The following FOXN2 variants were observed in gnomAD, a reference collection of about 807,000 sequenced individuals.
FOXN2 encodes forkhead box N2.
FOXN2 carries 19 observed loss-of-function variants against 41.2 expected under a neutral mutation model. The ratio of observed to expected loss-of-function variants is 0.46; its 90% CI spans 0.32 to 0.68. The LOEUF is 0.68. Ranked by LOEUF, FOXN2 falls within the 30% of genes least tolerant of loss-of-function variation. The pLI is 0.03. For synonymous variants in FOXN2, 195 were observed against 176.8 expected, an observed-to-expected ratio of 1.10 and a Z score of -0.82; for missense variants, 587 against 509.4, an observed-to-expected ratio of 1.15 and a Z score of -1.47.
intron 5 of FOXN2, among the ~76,000 whole-genome samples, chr2:48,370,855 A>AGG (rs1672845565): frequency 6.6e-6 from 1 of 152,114 alleles, no homozygotes; most frequent in Non-Finnish European, 1.5e-5. Context: ...GGTCTCATTC[A>AGG]TAAAATCTTT....
intron 1 of FOXN2, among the ~76,000 whole-genome samples, chr2:48,326,697 A>G (rs1196101194): frequency 6.6e-6 from 1 of 152,192 alleles, no homozygotes; most frequent in East Asian, 1.9e-4. Flanking sequence ...TCCACACCTG[A>G]CCTAATGTGA....
Position 48,346,486 on chromosome 2 carries a change from A to G in FOXN2, c.272A>G (p.Asp91Gly), listed in dbSNP as rs888964771. The G allele has an allele frequency of 2.5e-6, 4 of 1,614,068 alleles. No individual in the cohort carries two copies. Among genetic ancestry groups the G allele is most frequent in the South Asian group, 2.2e-5 (2 of 91,058 alleles). ...AGTCCATTGTATGACATAGAGGGAG[A>G]TGATGTGCCATCCTTTGGACCAGCT... ...IVSPLYDIEG[D>G]DVPSFGPACY... The change falls in exon 3 of 7, where the codon GAT becomes GGT. Residue 91 changes from aspartate (D) to glycine (G), a missense_variant. Coordinates refer to ENST00000340553, the MANE Select transcript of FOXN2 (RefSeq NM_002158.4).
chr2:48,363,148 T>C (rs1479405113), intron 5 of FOXN2, among the ~76,000 whole-genome samples: 2 of 152,148 alleles, frequency 1.3e-5, no homozygotes, highest in Non-Finnish European at 2.9e-5. Flanking sequence ...TTATTGTCCC[T>C]AAAGACCTTC....
chr2:48,325,940 C>T (rs1398815031), intron 1 of FOXN2, among the ~76,000 whole-genome samples: 4 of 151,150 alleles, frequency 2.6e-5, no homozygotes, highest in Admixed American at 6.6e-5. Context: ...ACTGTGTCTC[C>T]CAGGTTCAGA....
At chr2:48,334,414 A>G (rs1391229196) in intron 2 of FOXN2, among the ~76,000 whole-genome samples, 1 of 152,130 alleles carries the variant, frequency 6.6e-6, no homozygotes, top group Non-Finnish European at 1.5e-5. Flanking sequence ...AGGAAAACAT[A>G]AGAAATTATG....
chr2:48,324,554 TTA>T (rs1558611424), intron 1 of FOXN2, among the ~76,000 whole-genome samples: 3 of 152,216 alleles, frequency 2.0e-5, no homozygotes, highest in Non-Finnish European at 4.4e-5. Context: ...CTTTGTTTAG[TTA>T]AAACAAAACT....
intron 5 of FOXN2, among the ~76,000 whole-genome samples, chr2:48,372,560 C>G (rs1219368724): frequency 1.3e-5 from 2 of 151,936 alleles, no homozygotes; most frequent in African/African-American, 2.4e-5. Flanking sequence ...GTTATTCAGA[C>G]TAGTATATCA....
intron 6 of FOXN2, among the ~76,000 whole-genome samples, chr2:48,374,622 A>T (rs1673111228): frequency 6.6e-6 from 1 of 152,214 alleles, no homozygotes; most frequent in African/African-American, 2.4e-5. Context: ...AAACAGCCTA[A>T]ATATTAACAC....
chr2:48,319,758 G>A (rs1669169048), intron 1 of FOXN2, among the ~76,000 whole-genome samples: 1 of 146,768 alleles, frequency 6.8e-6, no homozygotes, highest in African/African-American at 2.5e-5. Flanking sequence ...CCACAGGGGC[G>A]CTCCACCACC....
chr2:48,329,664 T>C (rs926097682), intron 2 of FOXN2, among the ~76,000 whole-genome samples: 13 of 152,194 alleles, frequency 8.5e-5, no homozygotes, highest in Admixed American at 7.9e-4. Context: ...TCATGTAGCA[T>C]TATAATCAAA....
At chr2:48,355,366 T>C (rs995441353) in intron 3 of FOXN2, among the ~76,000 whole-genome samples, 2 of 152,064 alleles carry the variant, frequency 1.3e-5, no homozygotes, top group Non-Finnish European at 2.9e-5. Context: ...ATCTTACAAT[T>C]TTAAAAAAGG....
At position 48,351,078 on chromosome 2, in the gene FOXN2, C is replaced by T. The variant is rs1388609320; in HGVS notation, c.537+4327C>T. ...AGGGTTCAAGCAATCCTGTTACCTC[C>T]GTTTCCTGAGTAGCTGGGACTGTAG... On this transcript the variant is annotated intron_variant, in intron 3 of 6. Transcript: ENST00000340553. 4.0e-5 allele frequency among the ~76,000 whole-genome samples: 6 copies of T among 150,596 alleles called. No individual in the cohort carries two copies. In the South Asian group the frequency reaches 6.3e-4, roughly 16 times the overall value.
At position 48,376,234 on chromosome 2, in the gene FOXN2, T is replaced by C. The variant is rs906179795; in HGVS notation, c.*791T>C. On this transcript the variant is annotated 3_prime_UTR_variant, in exon 7 of 7. Coordinates refer to ENST00000340553, the MANE Select transcript of FOXN2 (RefSeq NM_002158.4). ...AGCCACTAGCTGCCTTTGTTGAGTA[T>C]AAGTTATCCAGTGAGAGGATATAGC... 7.9e-5 allele frequency: 12 copies of C among 152,136 alleles called. No homozygotes were observed. The highest frequency in any genetic ancestry group is 4.6e-4 in the Admixed American group (7 of 15,264). 9.4% of individuals were successfully genotyped at this position (152,136 alleles called of 1,614,324 possible).
chr2:48,331,716 C>G (rs1485996646), intron 2 of FOXN2, among the ~76,000 whole-genome samples: 1 of 151,338 alleles, frequency 6.6e-6, no homozygotes, highest in African/African-American at 2.4e-5. Context: ...ACTCAGGGAG[C>G]TGAGGTAGGA....
chr2:48,346,276 T>C lies in FOXN2; in HGVS notation c.62T>C (p.Ile21Thr), dbSNP rs762609943. The C allele has an allele frequency of 2.5e-6, 4 of 1,614,166 alleles. No individual in the cohort carries two copies. In the South Asian group the frequency reaches 4.4e-5, roughly 18 times the overall value. The change falls in exon 3 of 7, where the codon ATT (isoleucine) becomes ACT (threonine). Residue 21 changes from isoleucine (I) to threonine (T), a missense_variant. Transcript: ENST00000340553. ...GCTGAAACCCCAGGAGCTGAAAAGA[T>C]TGCAGGATTAAGCCAGATTTACAAA... ...KRAETPGAEKIAGLSQIYKMG... is the reference protein window; with the variant it reads ...KRAETPGAEKTAGLSQIYKMG...
At chr2:48,334,021 C>T (rs1670182787) in intron 2 of FOXN2, among the ~76,000 whole-genome samples, 1 of 151,786 alleles carries the variant, frequency 6.6e-6, no homozygotes, top group South Asian at 2.1e-4. Flanking sequence ...ACATACAGTA[C>T]CATTGAGGAC....
rs374050193 is a variant in FOXN2 at position 48,373,103 on chromosome 2, G to A, written c.704-189G>A. Among the ~76,000 whole-genome samples the A allele has an allele frequency of 7.2e-5, 11 of 152,052 alleles. No homozygotes were observed. The South Asian group carries it at 2.3e-3, about 32-fold the overall frequency. Reference sequence around the variant, plus strand: ...ACTGTATTGTTCACAAAACTGTTTCGTGATTTTAAGTGAACAAAATCAGAC... The same window carrying A: ...ACTGTATTGTTCACAAAACTGTTTCATGATTTTAAGTGAACAAAATCAGAC... On this transcript the variant is annotated intron_variant, in intron 5 of 6. Transcript: ENST00000340553.
chr2:48,328,088 C>G (rs1669799294), intron 1 of FOXN2, among the ~76,000 whole-genome samples: 1 of 152,224 alleles, frequency 6.6e-6, no homozygotes, highest in Non-Finnish European at 1.5e-5. Flanking sequence ...TACTGCATGA[C>G]TATGACTTAT....
intron 3 of FOXN2, among the ~76,000 whole-genome samples, chr2:48,349,841 C>T (rs781697641): frequency 3.3e-5 from 5 of 152,204 alleles, no homozygotes; most frequent in Non-Finnish European, 7.3e-5. Context: ...TTTGACAGAG[C>T]ACAGAAATGG....
Sources: gnomAD v4.1 joint callset for allele counts (sites outside exome capture counted in the v4.1 genomes callset) on GRCh38, gnomAD v4.1.1 for gene constraint, MANE v1.5 for transcripts, NCBI Gene and HGNC (gene_info 2026-07-23, HGNC 2026-07-21) for gene names.